The following EML1 variants were observed in gnomAD, a reference collection of about 807,000 sequenced individuals.
EML1 encodes the protein echinoderm microtubule-associated protein-like 1.
EML1 carries 27 observed loss-of-function variants against 110.4 expected under a neutral mutation model. The ratio of observed to expected loss-of-function variants is 0.24; its 90% CI spans 0.18 to 0.34. The LOEUF (loss-of-function observed/expected upper bound fraction) is 0.34, where lower values mean the gene tolerates loss of function less well. Ranked by LOEUF, EML1 falls within the 10% of genes least tolerant of loss-of-function variation. The pLI is 1.00. For missense variants in EML1, 741 were observed against 1,030.9 expected (o/e 0.72, Z 3.85); for synonymous variants, 344 against 385.8 (o/e 0.89, Z 1.27).
chr14:99,765,298 G>A (rs2057356178), intron 1 of EML1, among the ~76,000 whole-genome samples: 1 of 151,858 alleles, frequency 6.6e-6, no homozygotes, highest in African/African-American at 2.4e-5. Flanking sequence ...TCACATAGTT[G>A]TACAATCCTC....
In EML1 at chr14:99,917,859, T is replaced by C; in HGVS notation, c.1820+10T>C. The stretch of plus-strand genomic sequence containing the variant: ...GAACACTCACTGGGAGGTAAGTCCA[T>C]GCCAACAGCGCTTGTGCTTGCAAAG... On this transcript the variant is annotated intron_variant, in intron 16 of 21. Transcript: ENST00000262233. The C allele has an allele frequency of 6.2e-7, 1 of 1,614,096 alleles. No homozygotes were observed. The highest frequency in any genetic ancestry group is 8.5e-7 in the Non-Finnish European group (1 of 1,179,930).
intron 17 of EML1, among the ~76,000 whole-genome samples, chr14:99,921,384 C>T (rs73343741): frequency 6.6e-6 from 1 of 152,140 alleles, no homozygotes; most frequent in African/African-American, 2.4e-5. Context: ...AAAATCCCAA[C>T]AGAATTGAGA....
intron 1 of EML1, among the ~76,000 whole-genome samples, chr14:99,785,205 C>T (rs1306782590): frequency 6.6e-6 from 1 of 152,182 alleles, no homozygotes; most frequent in Non-Finnish European, 1.5e-5. Context: ...CAGACACACG[C>T]CACCATGACT....
rs532130977 is a variant in EML1 at position 99,939,463 on chromosome 14, C to T, written c.2322+136C>T. The T allele has an allele frequency of 5.1e-5, 71 of 1,396,160 alleles. No individual in the cohort carries two copies. The highest frequency in any genetic ancestry group is 3.9e-4 in the Admixed American group (17 of 43,628). 86.5% of individuals were successfully genotyped at this position (1,396,160 alleles called of 1,614,324 possible). On this transcript the variant is annotated intron_variant, in intron 21 of 21. Transcript: ENST00000262233. This position sits in a 1 kb window ranked among gnomAD's most constrained non-coding sequence, Gnocchi z 4.2. ...AAGGCAGATGTGACTCTGTTCTTTGCGCCCTGAGCACTTCCAGCCGCCCTT... is the reference window on the plus strand; with the variant it reads ...AAGGCAGATGTGACTCTGTTCTTTGTGCCCTGAGCACTTCCAGCCGCCCTT...
intron 3 of EML1, among the ~76,000 whole-genome samples, chr14:99,866,212 G>A (rs532697517): frequency 5.8e-4 from 88 of 152,336 alleles, no homozygotes; most frequent in African/African-American, 2.0e-3. Context: ...GGAGGCCAAG[G>A]TGGGCGGATC....
At chr14:99,786,890 A>C (rs770847710) in intron 1 of EML1, among the ~76,000 whole-genome samples, 8 of 152,204 alleles carry the variant, frequency 5.3e-5, no homozygotes, top group Non-Finnish European at 8.8e-5. Flanking sequence ...CTACTGTTGC[A>C]ATGTTCCAGA....
Position 99,781,806 on chromosome 14 carries a change from T to C in EML1, c.-27+7793T>C, listed in dbSNP as rs1420253610. Among the ~76,000 whole-genome samples the C allele has an allele frequency of 1.3e-5, 2 of 152,076 alleles. No individual in the cohort carries two copies. Among genetic ancestry groups the C allele is most frequent in the East Asian group, 3.9e-4 (2 of 5,178 alleles). On this transcript the variant is annotated intron_variant, in intron 1 of 22. Coordinates refer to the EML1 transcript ENST00000327921. The surrounding 1 kb of genome is among the most constrained non-coding windows in gnomAD (Gnocchi z 4.2). ...CTCATCAGTTTCCAGACATACTGAGTATGCATTTCTAGCCTCTTTCCCGCC... is the reference window on the plus strand; with the variant it reads ...CTCATCAGTTTCCAGACATACTGAGCATGCATTTCTAGCCTCTTTCCCGCC...
upstream of EML1, among the ~76,000 whole-genome samples, chr14:99,788,464 C>T (rs2057624171): frequency 6.6e-6 from 1 of 152,112 alleles, no homozygotes; most frequent in African/African-American, 2.4e-5. Flanking sequence ...TACACAACAG[C>T]CAGGCATGGT....
At chr14:99,918,933 C>G (rs1029248684) in intron 16 of EML1, among the ~76,000 whole-genome samples, 24 of 152,192 alleles carry the variant, frequency 1.6e-4, no homozygotes, top group Non-Finnish European at 2.8e-4. Flanking sequence ...CACCTGGCAC[C>G]TCCTACACAC....
Position 99,900,430 on chromosome 14 carries a change from A to C in EML1, c.898-499A>C, listed in dbSNP as rs371240987. 1.7e-4 allele frequency among the ~76,000 whole-genome samples: 26 copies of C among 151,840 alleles called. No individual in the cohort carries two copies. In the East Asian group the frequency reaches 4.9e-3, roughly 28 times the overall value. On this transcript the variant is annotated intron_variant, in intron 8 of 21. Transcript: ENST00000262233. ...TCGAACTCCTGACCTCAGGCGATCC[A>C]CCTGCCTCAGCCTCCCAAAGTGCTG... is the stretch of plus-strand genomic sequence containing the variant.
intron 2 of EML1, among the ~76,000 whole-genome samples, chr14:99,854,668 C>A (rs764574536): frequency 6.6e-6 from 1 of 152,214 alleles, no homozygotes; most frequent in Non-Finnish European, 1.5e-5. Flanking sequence ...CCATATCACA[C>A]ACCTTCACTG....
rs1285317231 is a variant in EML1, at chr14:99,793,415, T to C, written c.-62T>C. The stretch of plus-strand genomic sequence containing the variant: ...CCGGTCGCGGTCGGGCTCAGCTCAG[T>C]GTGTGGTGAGCGGCGGCGGCGCGGC... On this transcript the variant is annotated 5_prime_UTR_variant, in exon 1 of 22. Coordinates refer to ENST00000262233, the MANE Select transcript of EML1 (RefSeq NM_004434.3). The C allele has an allele frequency of 4.9e-6, 5 of 1,015,452 alleles. No individual in the cohort carries two copies. Among genetic ancestry groups the C allele is most frequent in the East Asian group, 1.8e-4 (2 of 10,996 alleles). The allele number at this position is 1,015,452 out of a possible 1,614,324, so 62.9% of individuals were successfully genotyped here.
chr14:99,817,072 C>G (rs117214076), intron 1 of EML1, among the ~76,000 whole-genome samples: 6,260 of 151,616 alleles, frequency 0.041, 169 homozygotes, highest in Non-Finnish European at 0.056. Context: ...CTTACAGAGG[C>G]TGGTACAAGT....
In EML1 at chr14:99,747,939, G is replaced by A. The variant is rs369936598; in HGVS notation, c.28+10079G>A. On this transcript the variant is annotated intron_variant, in intron 1 of 10. Transcript: ENST00000554479. ...TCTTGAAACACTGAGCTGGTTGAGA[G>A]AGGGTAAAGACTTGGCAATGACCGA... 1.1e-4 allele frequency among the ~76,000 whole-genome samples: 16 copies of A among 152,318 alleles called. No homozygotes were observed. The South Asian group carries it at 3.3e-3, about 32-fold the overall frequency.
chr14:99,751,352 G>A (rs1401289321), intron 1 of EML1, among the ~76,000 whole-genome samples: 1 of 152,120 alleles, frequency 6.6e-6, no homozygotes, highest in East Asian at 1.9e-4. Flanking sequence ...CTGCATGGAG[G>A]GTCCTGGGTG....
intron 1 of EML1, among the ~76,000 whole-genome samples, chr14:99,819,777 C>T (rs556364961): frequency 3.3e-5 from 5 of 152,180 alleles, no homozygotes; most frequent in Admixed American, 6.5e-5. Context: ...CCTCTCGCAC[C>T]GAGCATCCCT....
At chr14:99,833,245 G>A (rs2058489124) in intron 1 of EML1, among the ~76,000 whole-genome samples, 1 of 152,136 alleles carries the variant, frequency 6.6e-6, no homozygotes, top group African/African-American at 2.4e-5. Context: ...AATTGTTCCA[G>A]CCTAATTTGT....
chr14:99,748,445 G>A (rs1487048075), intron 1 of EML1, among the ~76,000 whole-genome samples: 1 of 151,416 alleles, frequency 6.6e-6, no homozygotes, highest in Non-Finnish European at 1.5e-5. Flanking sequence ...TTTTGTCTCA[G>A]TGACACCTTT....
upstream of EML1, among the ~76,000 whole-genome samples, chr14:99,792,112 C>A (rs914786219): frequency 6.6e-6 from 1 of 152,220 alleles, no homozygotes; most frequent in Admixed American, 6.5e-5. Flanking sequence ...CATGCACTAA[C>A]CGTGCCGCAC....
Sources: gnomAD v4.1 joint callset for allele counts (sites outside exome capture counted in the v4.1 genomes callset) on GRCh38, gnomAD v4.1.1 for gene constraint, Gnocchi (gnomAD v3.1) non-coding constraint, MANE v1.5 for transcripts, NCBI Gene and HGNC (gene_info 2026-07-23, HGNC 2026-07-21) for gene names.